The following B3GAT1 variants were observed in gnomAD, a reference collection of about 807,000 sequenced individuals.
B3GAT1 encodes the protein galactosylgalactosylxylosylprotein 3-beta-glucuronosyltransferase 1.
In B3GAT1, 11 loss-of-function variants were observed where a neutral mutation model predicts 28.4. The observed-to-expected ratio is 0.39, with a 90% CI of 0.24 to 0.64. The LOEUF is 0.64. Ranked by LOEUF, B3GAT1 falls within the 30% of genes least tolerant of loss-of-function variation. B3GAT1 has a pLI of 0.50. For missense variants in B3GAT1, 375 were observed against 491.0 expected (o/e 0.76, Z 2.23); for synonymous variants, 255 against 223.1 (o/e 1.14, Z -1.27).
At chr11:134,409,054 G>A (rs942170646) in intron 1 of B3GAT1, among the ~76,000 whole-genome samples, 4 of 152,214 alleles carry the variant, frequency 2.6e-5, no homozygotes, top group Admixed American at 2.6e-4. Flanking sequence ...AAGGGGGTGA[G>A]GGTGTATAAA....
In B3GAT1 at chr11:134,404,267, G is replaced by A. The variant is rs546297418; in HGVS notation, c.-282+7540C>T. Among the ~76,000 whole-genome samples the A allele has an allele frequency of 4.0e-5, 6 of 150,796 alleles. No individual in the cohort carries two copies. The South Asian group carries it at 1.1e-3, about 27-fold the overall frequency. On this transcript the variant is annotated intron_variant, in intron 1 of 5. Coordinates refer to ENST00000312527, the MANE Select transcript of B3GAT1 (RefSeq NM_054025.3). ...TTCCCACCTATGAGTGAGAACATGC[G>A]GTGTTTGGTTTTTTGTCCTTGCGAC...
chr11:134,396,213 G>A (rs559718092), intron 1 of B3GAT1, among the ~76,000 whole-genome samples: 1 of 152,318 alleles, frequency 6.6e-6, no homozygotes, highest in East Asian at 1.9e-4. Context: ...CACACCAAAG[G>A]TGAGGACTGC....
At chr11:134,385,881 C>G (rs1270865504) in intron 2 of B3GAT1, 1 of 152,262 alleles carries the variant, frequency 6.6e-6, no homozygotes, top group East Asian at 1.9e-4. Flanking sequence ...TCTGGGGAGA[C>G]AGAATGCCAA....
At chr11:134,383,542 T>A (rs1488202979) in intron 3 of B3GAT1, 138 bp downstream of exon 3, 3 of 1,191,548 alleles carry the variant, frequency 2.5e-6, no homozygotes, top group Non-Finnish European at 3.4e-6. Flanking sequence ...TCCCTGGCTC[T>A]CTGCTGCCTG....
Position 134,402,160 on chromosome 11 carries a change from T to A in B3GAT1, c.-282+9647A>T, listed in dbSNP as rs577149456. Among the ~76,000 whole-genome samples, 219 of 152,256 alleles carry A rather than the reference T, an allele frequency of 1.4e-3. 1 individual carries two copies. The highest frequency in any genetic ancestry group is 5.0e-3 in the African/African-American group (207 of 41,548). On this transcript the variant is annotated intron_variant, in intron 1 of 5. Coordinates refer to ENST00000312527, the MANE Select transcript of B3GAT1 (RefSeq NM_054025.3). Reference sequence around the variant, plus strand: ...CCACCTGAGATGAGGTGGGCACCCATCCTGTCACCCTGCTTCTTCAGGTGG... The same window carrying A: ...CCACCTGAGATGAGGTGGGCACCCAACCTGTCACCCTGCTTCTTCAGGTGG...
intron 1 of B3GAT1, among the ~76,000 whole-genome samples, chr11:134,397,616 T>A (rs543415375): frequency 1.4e-5 from 2 of 146,028 alleles, no homozygotes; most frequent in African/African-American, 2.6e-5. Flanking sequence ...CCCATTCCCA[T>A]GCCAGAGGGC....
At chr11:134,383,142 T>C in intron 3 of B3GAT1, 136 bp from the exon 4 acceptor site, 2 of 971,046 alleles carry the variant, frequency 2.1e-6, no homozygotes, top group Non-Finnish European at 3.0e-6. Context: ...GGGTGTCCAG[T>C]ACAGCCCTGC....
chr11:134,387,439 G>C, intron 2 of B3GAT1, 109 bp downstream of exon 2: 1 of 1,420,308 alleles, frequency 7.0e-7, no homozygotes, highest in African/African-American at 1.4e-5. Context: ...ATGATCCCGT[G>C]GTTCCTCCTA....
chr11:134,406,157 C>A (rs533394043), intron 1 of B3GAT1, among the ~76,000 whole-genome samples: 7 of 152,326 alleles, frequency 4.6e-5, no homozygotes, highest in Middle Eastern at 3.4e-3. Flanking sequence ...CTCCACTAAG[C>A]CCACAGCAGC....
intron 2 of B3GAT1, chr11:134,386,781 CTGTG>C (rs1944298301): frequency 6.6e-6 from 1 of 152,160 alleles, no homozygotes. Context: ...GCGTGTCTTT[CTGTG>C]TATGTGTGTG....
rs181168998 is a variant in B3GAT1 at position 134,403,847 on chromosome 11, A to G, written c.-282+7960T>C. ...TGAAATAAGCCAGTCTTAAAAGGACAAATATCACAGGATTCAATTTCTATG... is the reference window on the plus strand; with the variant it reads ...TGAAATAAGCCAGTCTTAAAAGGACGAATATCACAGGATTCAATTTCTATG... On this transcript the variant is annotated intron_variant, in intron 1 of 5. Coordinates refer to ENST00000312527, the MANE Select transcript of B3GAT1 (RefSeq NM_054025.3). Among the ~76,000 whole-genome samples the G allele has an allele frequency of 5.1e-3, 781 of 151,798 alleles. 20 individuals carry two copies. The highest frequency in any genetic ancestry group is 0.046 in the Admixed American group (694 of 15,238).
intron 2 of B3GAT1, chr11:134,387,297 T>G: frequency 4.2e-6 from 2 of 481,756 alleles, no homozygotes; most frequent in Non-Finnish European, 7.3e-6. Context: ...GTGCTGAGAG[T>G]AACAAGCTCT....
intron 1 of B3GAT1, among the ~76,000 whole-genome samples, chr11:134,402,088 C>T (rs937937368): frequency 7.2e-5 from 11 of 152,152 alleles, no homozygotes; most frequent in Admixed American, 4.6e-4. Context: ...GTGGACCAGG[C>T]GACAAGGCAC....
chr11:134,383,575 CG>C, intron 3 of B3GAT1, 104 bp downstream of exon 3: 1 of 1,395,788 alleles, frequency 7.2e-7, no homozygotes, highest in South Asian at 1.5e-5. Context: ...CCCGGCTTCC[CG>C]GGTTCCCCCT....
rs924917478 is a variant in B3GAT1 at position 134,411,065 on chromosome 11, A to G, written c.-282+742T>C. Among the ~76,000 whole-genome samples the G allele has an allele frequency of 6.6e-6, 1 of 152,014 alleles. No homozygotes were observed. The highest frequency in any genetic ancestry group is 1.5e-5 in the Non-Finnish European group (1 of 68,002). Reference sequence around the variant, plus strand: ...TGTGTGCATGTGGGGGTGGTTCTTGACCTTAGCTGCTTGGTACGGGGCTGT... The same window carrying G: ...TGTGTGCATGTGGGGGTGGTTCTTGGCCTTAGCTGCTTGGTACGGGGCTGT... On this transcript the variant is annotated intron_variant, in intron 1 of 5. Coordinates refer to ENST00000312527, the MANE Select transcript of B3GAT1 (RefSeq NM_054025.3). The surrounding 1 kb of genome is among the most constrained non-coding windows in gnomAD (Gnocchi z 6.0).
At chr11:134,389,065 C>T (rs1170489747) in intron 1 of B3GAT1, 1 of 152,222 alleles carries the variant, frequency 6.6e-6, no homozygotes, top group Non-Finnish European at 1.5e-5. Context: ...AATTTACATT[C>T]CCACCAACAG....
At chr11:134,405,106 C>T (rs1008211805) in intron 1 of B3GAT1, among the ~76,000 whole-genome samples, 1 of 152,120 alleles carries the variant, frequency 6.6e-6, no homozygotes, top group Admixed American at 6.5e-5. Flanking sequence ...GGGGGGGTGA[C>T]GATATTGTTG....
intron 4 of B3GAT1, among the ~76,000 whole-genome samples, chr11:134,382,377 C>G (rs56284733): frequency 0.085 from 12,814 of 151,524 alleles, 735 homozygotes; most frequent in African/African-American, 0.16. Flanking sequence ...GCATGTTCAC[C>G]TGCATATATG....
chr11:134,399,332 G>A (rs550381599), intron 1 of B3GAT1, among the ~76,000 whole-genome samples: 11 of 152,266 alleles, frequency 7.2e-5, no homozygotes, highest in South Asian at 2.1e-4. Flanking sequence ...ACCTGCTCCC[G>A]TTCTGAGAGA....
Sources: gnomAD v4.1 joint callset for allele counts (sites outside exome capture counted in the v4.1 genomes callset) on GRCh38, gnomAD v4.1.1 for gene constraint, Gnocchi (gnomAD v3.1) non-coding constraint, MANE v1.5 for transcripts, NCBI Gene and HGNC (gene_info 2026-07-23, HGNC 2026-07-21) for gene names.